MICU1: variants seen among roughly 807,000 people sequenced by gnomAD.
MICU1 encodes calcium uptake protein 1, mitochondrial.
Under a neutral mutation model 56.8 loss-of-function variants are expected in MICU1, and 45 were observed. The observed-to-expected ratio is 0.79, with a 90% CI of 0.62 to 1.02. MICU1 has a LOEUF of 1.02. Among genes scored for constraint, MICU1 ranks in the 50% least tolerant of loss-of-function variants. The pLI, the probability that MICU1 is intolerant of heterozygous loss-of-function variation, is 0.00. For synonymous variants in MICU1, 186 were observed against 195.1 expected, an observed-to-expected ratio of 0.95 and a Z score of 0.39; for missense variants, 504 against 587.1, an observed-to-expected ratio of 0.86 and a Z score of 1.46.
chr10:72,495,217 C>T (rs1296266645), intron 6 of MICU1, among the ~76,000 whole-genome samples: 1 of 142,906 alleles, frequency 7.0e-6, no homozygotes, highest in African/African-American at 2.6e-5. Context: ...GACCCCCATC[C>T]CTAACTTCAG....
chr10:72,532,527 ACT>A (rs746267216), intron 5 of MICU1, among the ~76,000 whole-genome samples: 1 of 152,000 alleles, frequency 6.6e-6, no homozygotes, highest in Non-Finnish European at 1.5e-5. Context: ...CCCTCCAAAG[ACT>A]CTGAAATCAG....
At chr10:72,540,267 C>T (rs928540700) in intron 4 of MICU1, among the ~76,000 whole-genome samples, 3 of 85,464 alleles carry the variant, frequency 3.5e-5, no homozygotes, top group Non-Finnish European at 6.8e-5. Flanking sequence ...AACTCCATCT[C>T]AAAAAAAAAA....
intron 1 of MICU1, among the ~76,000 whole-genome samples, chr10:72,616,960 A>C (rs1841997322): frequency 6.6e-6 from 1 of 152,234 alleles, no homozygotes; most frequent in African/African-American, 2.4e-5. Context: ...CTAGGCAGCA[A>C]GCCAGAGCAA....
chr10:72,486,070 C>T (rs540717688), intron 6 of MICU1, among the ~76,000 whole-genome samples: 2 of 152,078 alleles, frequency 1.3e-5, no homozygotes, highest in African/African-American at 4.8e-5. Flanking sequence ...AGACCAAATA[C>T]ATCTCCCCAA....
intron 8 of MICU1, among the ~76,000 whole-genome samples, chr10:72,424,838 T>C (rs529042716): frequency 4.6e-5 from 7 of 152,340 alleles, no homozygotes; most frequent in Admixed American, 2.0e-4. Context: ...GATAAACTTA[T>C]ACAGCCATGG....
intron 8 of MICU1, among the ~76,000 whole-genome samples, chr10:72,437,345 C>T (rs1484034286): frequency 2.6e-5 from 4 of 152,228 alleles, no homozygotes; most frequent in East Asian, 1.9e-4. Flanking sequence ...AAGCAAATGC[C>T]AAGAGATTTT....
At chr10:72,577,300 A>G (rs7097413) in intron 1 of MICU1, among the ~76,000 whole-genome samples, 95,398 of 151,666 alleles carry the variant, frequency 0.63, 31,541 homozygotes, top group African/African-American at 0.72. Context: ...ACCTGAGGTC[A>G]GAAGTTCGAG....
chr10:72,524,225 A>T (rs1004885147), intron 5 of MICU1, among the ~76,000 whole-genome samples: 1 of 152,070 alleles, frequency 6.6e-6, no homozygotes, highest in Non-Finnish European at 1.5e-5. Context: ...GGATCAAGCG[A>T]TCTTCCCACG....
intron 9 of MICU1, among the ~76,000 whole-genome samples, chr10:72,408,954 AACGGTTT>A (rs1211064149): frequency 6.6e-6 from 1 of 152,060 alleles, no homozygotes; most frequent in African/African-American, 2.4e-5. Flanking sequence ...TTTTTTCAAA[AACGGTTT>A]AAAGATTTGC....
intron 10 of MICU1, among the ~76,000 whole-genome samples, chr10:72,385,175 G>C (rs2132054945): frequency 6.6e-6 from 1 of 152,102 alleles, no homozygotes; most frequent in South Asian, 2.1e-4. Flanking sequence ...ATTTCAGCAA[G>C]TCATTTCCCT....
intron 6 of MICU1, among the ~76,000 whole-genome samples, chr10:72,479,674 T>C (rs1866230841): frequency 1.3e-5 from 2 of 152,110 alleles, no homozygotes; most frequent in South Asian, 4.1e-4. Flanking sequence ...TACAGGTGCG[T>C]GCCACCAAGC....
At position 72,562,977 on chromosome 10, in the gene MICU1, C is replaced by T; in HGVS notation, c.248G>A (p.Cys83Tyr). ...KGKNKDEGDV[C>Y]NHEKKTADLA... ...ATCTGCAGTCTTTTTCTCATGGTTACAAACATCCCCTTCATCTTTATTCTT... is the reference window on the plus strand; with the variant it reads ...ATCTGCAGTCTTTTTCTCATGGTTATAAACATCCCCTTCATCTTTATTCTT... The change falls in exon 3 of 12, where the codon TGT (cysteine) becomes TAT (tyrosine). Residue 83 changes from cysteine to tyrosine, a missense_variant. Cys to Tyr is a radical substitution (Grantham distance 194, BLOSUM62 -2). Transcript: ENST00000361114. 1.9e-6 allele frequency: 3 copies of T among 1,610,118 alleles called. No individual in the cohort carries two copies. Among genetic ancestry groups the T allele is most frequent in the Middle Eastern group, 1.7e-4 (1 of 6,054 alleles).
At chr10:72,434,681 G>A (rs189546627) in intron 8 of MICU1, among the ~76,000 whole-genome samples, 3 of 152,306 alleles carry the variant, frequency 2.0e-5, no homozygotes, top group Non-Finnish European at 4.4e-5. Flanking sequence ...TAGGAGTTAA[G>A]AACCAAGGAC....
At chr10:72,394,088 C>G (rs1053929595) in intron 10 of MICU1, among the ~76,000 whole-genome samples, 6 of 151,956 alleles carry the variant, frequency 3.9e-5, no homozygotes, top group African/African-American at 1.4e-4. Context: ...TTTTTTTGAG[C>G]TCCTGAATAT....
chr10:72,609,645 AAT>A (rs1841786009), intron 1 of MICU1, among the ~76,000 whole-genome samples: 1 of 147,990 alleles, frequency 6.8e-6, no homozygotes, highest in African/African-American at 2.5e-5. Flanking sequence ...GAGGCAGGAG[AAT>A]GGTGTGAACC....
chr10:72,459,994 T>C (rs1462427879), intron 8 of MICU1, among the ~76,000 whole-genome samples: 2 of 152,224 alleles, frequency 1.3e-5, no homozygotes, highest in African/African-American at 4.8e-5. Flanking sequence ...CTTATGATTT[T>C]CTCCTTAGAC....
chr10:72,553,266 C>A (rs1444568409), intron 3 of MICU1, among the ~76,000 whole-genome samples: 1 of 146,814 alleles, frequency 6.8e-6, no homozygotes. Flanking sequence ...CAGAGTCTCG[C>A]TCTGTTGCCC....
chr10:72,585,988 G>GTTTT (rs1841040255), intron 1 of MICU1, among the ~76,000 whole-genome samples: 1 of 85,124 alleles, frequency 1.2e-5, no homozygotes, highest in Non-Finnish European at 2.7e-5. Context: ...TCATTGTATT[G>GTTTT]TTTTTATTTT....
chr10:72,383,117 G>A (rs148037364), intron 10 of MICU1, among the ~76,000 whole-genome samples: 5 of 151,812 alleles, frequency 3.3e-5, no homozygotes, highest in East Asian at 3.9e-4. Context: ...ACGATGGTGC[G>A]CTCCTGCAGT....
Sources: gnomAD v4.1 joint callset for allele counts (sites outside exome capture counted in the v4.1 genomes callset) on GRCh38, gnomAD v4.1.1 for gene constraint, MANE v1.5 for transcripts, NCBI Gene and HGNC (gene_info 2026-07-23, HGNC 2026-07-21) for gene names.